Variants in CFTR observed in about 807,000 individuals in gnomAD.
The protein encoded by CFTR is CF transmembrane conductance regulator, also known as cystic fibrosis transmembrane conductance regulator.
A neutral mutation model predicts 171.6 loss-of-function variants in CFTR; 181 were observed. That is an observed-to-expected ratio of 1.05 (90% CI 0.93 to 1.19). The LOEUF is 1.19. Ranked by LOEUF, CFTR falls within the 50% of genes most tolerant of loss-of-function variation. The pLI is 0.00. For synonymous variants in CFTR, 583 were observed against 608.0 expected (o/e 0.96, Z 0.60); for missense variants, 1,968 against 1,734.7 (o/e 1.13, Z -2.39).
chr7:117,630,607 A>G (rs1277470890), intron 22 of CFTR, among the ~76,000 whole-genome samples: 1 of 152,174 alleles, frequency 6.6e-6, no homozygotes, highest in Non-Finnish European at 1.5e-5. Context: ...CCAGGCCACC[A>G]CAAAGGAACT....
At chr7:117,591,600 T>A (rs555478462) in intron 13 of CFTR, among the ~76,000 whole-genome samples, 2 of 152,090 alleles carry the variant, frequency 1.3e-5, no homozygotes, top group Non-Finnish European at 2.9e-5. Context: ...TTAAAGATCA[T>A]CTAATAATTT....
intron 11 of CFTR, among the ~76,000 whole-genome samples, chr7:117,567,206 G>A (rs963433558): frequency 6.6e-6 from 1 of 152,056 alleles, no homozygotes; most frequent in Non-Finnish European, 1.5e-5. Context: ...CACTCTTAGC[G>A]TTTTCTATAT....
chr7:117,635,010 T>C (rs571883712), intron 22 of CFTR, among the ~76,000 whole-genome samples: 1 of 152,230 alleles, frequency 6.6e-6, no homozygotes, highest in Admixed American at 6.5e-5. Context: ...CCTTACTGAT[T>C]TTCCACCTGC....
chr7:117,567,554 A>C (rs1320719093), intron 11 of CFTR, among the ~76,000 whole-genome samples: 1 of 152,246 alleles, frequency 6.6e-6, no homozygotes, highest in Non-Finnish European at 1.5e-5. Flanking sequence ...AGATTTTATA[A>C]ATTAAAGAAA....
chr7:117,546,115 T>C (rs1461815634), intron 9 of CFTR, among the ~76,000 whole-genome samples: 1 of 152,054 alleles, frequency 6.6e-6, no homozygotes, highest in Non-Finnish European at 1.5e-5. Context: ...TGCCTCAGCC[T>C]CCTGAGTAGC....
At chr7:117,627,879 T>C in intron 22 of CFTR, 109 bp downstream of exon 22, 1 of 1,123,794 alleles carries the variant, frequency 8.9e-7, no homozygotes, top group Non-Finnish European at 1.3e-6. Flanking sequence ...TATTGTACAG[T>C]AGAATCAATA....
intron 22 of CFTR, among the ~76,000 whole-genome samples, chr7:117,634,279 T>C (rs940116010): frequency 2.6e-5 from 4 of 152,250 alleles, no homozygotes; most frequent in Non-Finnish European, 5.9e-5. Flanking sequence ...GAGTTATTCA[T>C]AGTATTCTTT....
intron 11 of CFTR, among the ~76,000 whole-genome samples, chr7:117,583,417 T>C (rs1038165902): frequency 6.6e-6 from 1 of 152,088 alleles, no homozygotes; most frequent in Non-Finnish European, 1.5e-5. Context: ...AGTGAGAACA[T>C]GCGATATTTG....
At chr7:117,659,477 A>T (rs1199827763) in intron 24 of CFTR, among the ~76,000 whole-genome samples, 1 of 152,202 alleles carries the variant, frequency 6.6e-6, no homozygotes, top group Non-Finnish European at 1.5e-5. Flanking sequence ...CATATGTAAT[A>T]GATCATGGAA....
chr7:117,548,610 G>A, intron 9 of CFTR, 31 bp from the exon 10 acceptor site: 1 of 1,247,896 alleles, frequency 8.0e-7, no homozygotes, highest in Non-Finnish European at 1.1e-6. Flanking sequence ...TTTTTGATGT[G>A]TGTGTGTGTG....
chr7:117,616,278 C>T (rs998481889), intron 21 of CFTR: 1 of 150,632 alleles, frequency 6.6e-6, no homozygotes, highest in Non-Finnish European at 1.5e-5. Flanking sequence ...TTCTGTAGTT[C>T]GGTCTTTAAT....
chr7:117,648,450 G>A (rs961250446), intron 23 of CFTR, among the ~76,000 whole-genome samples: 2 of 152,074 alleles, frequency 1.3e-5, no homozygotes, highest in Non-Finnish European at 2.9e-5. Context: ...CACCGGGTGA[G>A]TAATGGTGCT....
intron 7 of CFTR, among the ~76,000 whole-genome samples, chr7:117,538,182 T>C (rs1026699021): frequency 1.3e-5 from 2 of 152,194 alleles, no homozygotes; most frequent in Non-Finnish European, 2.9e-5. Context: ...GAGTTGCTCC[T>C]ACTCAAGAGA....
chr7:117,524,049 A>G (rs1798729366), intron 3 of CFTR, among the ~76,000 whole-genome samples: 1 of 152,180 alleles, frequency 6.6e-6, no homozygotes, highest in Non-Finnish European at 1.5e-5. Flanking sequence ...CAGTAGTTCT[A>G]TATTCTTTGA....
intron 24 of CFTR, among the ~76,000 whole-genome samples, chr7:117,653,167 A>G (rs562627250): frequency 6.6e-6 from 1 of 152,360 alleles, no homozygotes; most frequent in African/African-American, 2.4e-5. Context: ...GGCTAAGATC[A>G]TTCTACACAC....
chr7:117,603,413 T>C, intron 16 of CFTR, 119 bp from the exon 17 acceptor site: 1 of 1,081,536 alleles, frequency 9.2e-7, no homozygotes, highest in Non-Finnish European at 1.4e-6. Flanking sequence ...TAAGGGTGCA[T>C]GCTCTTCTAA....
intron 22 of CFTR, among the ~76,000 whole-genome samples, chr7:117,638,780 A>T (rs1792868193): frequency 6.9e-6 from 1 of 145,734 alleles, no homozygotes; most frequent in Non-Finnish European, 1.5e-5. Context: ...AAAAATAAAA[A>T]AATAAAATAA....
chr7:117,590,314 T>C (rs1285832251), intron 12 of CFTR, 39 bp from the exon 13 acceptor site: 3 of 1,590,338 alleles, frequency 1.9e-6, no homozygotes, highest in African/African-American at 2.7e-5. Flanking sequence ...GACCAGGAAA[T>C]AGAGAGGAAA....
At chr7:117,617,541 T>C (rs1488135084) in intron 21 of CFTR, among the ~76,000 whole-genome samples, 1 of 151,912 alleles carries the variant, frequency 6.6e-6, no homozygotes, top group Admixed American at 6.6e-5. Context: ...GCTCCAATAA[T>C]TCCAACCCCT....
Sources: gnomAD v4.1 joint callset for allele counts (sites outside exome capture counted in the v4.1 genomes callset) on GRCh38, gnomAD v4.1.1 for gene constraint, MANE v1.5 for transcripts, NCBI Gene and HGNC (gene_info 2026-07-23, HGNC 2026-07-21) for gene names.